The following PRUNE2 variants were observed in gnomAD, a reference collection of about 807,000 sequenced individuals.
PRUNE2 encodes protein prune homolog 2.
In PRUNE2, 164 loss-of-function variants were observed where a neutral mutation model predicts 252.0. That is an observed-to-expected ratio of 0.65 (90% CI 0.57 to 0.74). The LOEUF (loss-of-function observed/expected upper bound fraction) is 0.74. PRUNE2 is among the 30% of genes least tolerant of loss of function. The pLI, the probability that PRUNE2 is intolerant of heterozygous loss-of-function variation, is 0.00. For synonymous variants in PRUNE2, 1,292 were observed against 1,350.2 expected, an observed-to-expected ratio of 0.96 and a Z score of 0.94; for missense variants, 3,495 against 3,711.0, an observed-to-expected ratio of 0.94 and a Z score of 1.51.
intron 1 of PRUNE2, among the ~76,000 whole-genome samples, chr9:76,901,449 T>A (rs2063168140): frequency 6.6e-6 from 1 of 152,294 alleles, no homozygotes; most frequent in East Asian, 1.9e-4. Context: ...AGCTTCTTCA[T>A]CATTACTAGT....
chr9:76,850,663 G>T lies in PRUNE2; in HGVS notation c.144C>A (p.Val48=). The T allele has an allele frequency of 1.2e-6, 2 of 1,608,128 alleles. No individual in the cohort carries two copies. Among genetic ancestry groups the T allele is most frequent in the South Asian group, 2.2e-5 (2 of 90,812 alleles). The stretch of plus-strand genomic sequence containing the variant: ...GTAAACACAGAACCCCTGGTGGACT[G>T]ACCTACCAAGAAAAAAGTTGACTGA... ...TFTYAYFLDK[V]SPPGVLCLPV... The change falls in exon 3 of 19, where the codon GTC becomes GTA. Residue 48 remains valine, a splice_region_variant and synonymous_variant. Transcript: ENST00000376718.
intron 1 of PRUNE2, among the ~76,000 whole-genome samples, chr9:76,880,058 C>A (rs995407654): frequency 1.3e-5 from 2 of 151,196 alleles, no homozygotes; most frequent in African/African-American, 4.9e-5. Context: ...GGACTACAGG[C>A]ACGCGCCACC....
chr9:76,638,122 G>T, intron 13 of PRUNE2, 64 bp downstream of exon 13: 2 of 966,478 alleles, frequency 2.1e-6, no homozygotes, highest in Non-Finnish European at 3.3e-6. Context: ...AATTAAAGGT[G>T]CTCTATCTGC....
In PRUNE2 at chr9:76,723,052, A is replaced by T. The variant is rs191691780; in HGVS notation, c.757-9331T>A. Among the ~76,000 whole-genome samples the T allele has an allele frequency of 6.9e-3, 1,047 of 152,352 alleles. 16 individuals carry two copies. The highest frequency in any genetic ancestry group is 0.024 in the African/African-American group (983 of 41,566). ...AATAATGCGCTGCTTACGTCTTTTGAAGATCGAACATTACCATGCTTTGTG... is the reference window on the plus strand; with the variant it reads ...AATAATGCGCTGCTTACGTCTTTTGTAGATCGAACATTACCATGCTTTGTG... On this transcript the variant is annotated intron_variant, in intron 6 of 18. Transcript: ENST00000376718.
chr9:76,890,741 C>G (rs1024488202), intron 1 of PRUNE2, among the ~76,000 whole-genome samples: 3 of 149,320 alleles, frequency 2.0e-5, no homozygotes, highest in African/African-American at 7.5e-5. Flanking sequence ...CACAAATCAT[C>G]CAATTAGACA....
chr9:76,699,097 T>A (rs1048091654), intron 9 of PRUNE2, among the ~76,000 whole-genome samples: 8 of 138,650 alleles, frequency 5.8e-5, no homozygotes, highest in African/African-American at 2.1e-4. Context: ...ATTCATCAGT[T>A]GAATATCATC....
chr9:76,731,951 C>T (rs1359565404), intron 6 of PRUNE2, among the ~76,000 whole-genome samples: 1 of 152,108 alleles, frequency 6.6e-6, no homozygotes, highest in Non-Finnish European at 1.5e-5. Flanking sequence ...ACTCAGACAC[C>T]CCCGCTGCTC....
intron 4 of PRUNE2, among the ~76,000 whole-genome samples, chr9:76,838,978 C>CTTAT (rs1212516367): frequency 6.6e-6 from 1 of 152,018 alleles, no homozygotes; most frequent in Admixed American, 6.6e-5. Context: ...TATTTATTTA[C>CTTAT]TTATTTATTT....
intron 6 of PRUNE2, among the ~76,000 whole-genome samples, chr9:76,799,359 A>C (rs1267168137): frequency 2.0e-5 from 3 of 152,010 alleles, no homozygotes; most frequent in East Asian, 3.9e-4. Context: ...AAAAAAAAAA[A>C]ATCAGTGATT....
chr9:76,836,294 A>G (rs2132216083), intron 4 of PRUNE2, among the ~76,000 whole-genome samples: 1 of 138,222 alleles, frequency 7.2e-6, no homozygotes, highest in East Asian at 2.1e-4. Flanking sequence ...CTAAGCACCA[A>G]CTTTAGCCAC....
chr9:76,670,763 A>G (rs2041262439), intron 9 of PRUNE2, among the ~76,000 whole-genome samples: 1 of 151,780 alleles, frequency 6.6e-6, no homozygotes, highest in South Asian at 2.1e-4. Context: ...CGAGCAGCCT[A>G]ACTGGGAGGC....
chr9:76,865,914 G>T (rs1002585064), intron 1 of PRUNE2, among the ~76,000 whole-genome samples: 1 of 151,422 alleles, frequency 6.6e-6, no homozygotes, highest in Non-Finnish European at 1.5e-5. Context: ...GAATTAAAAT[G>T]ATTTTATAAA....
intron 6 of PRUNE2, among the ~76,000 whole-genome samples, chr9:76,732,830 T>C (rs1261746596): frequency 6.6e-6 from 1 of 152,178 alleles, no homozygotes; most frequent in African/African-American, 2.4e-5. Flanking sequence ...AGATTTCATG[T>C]CTGTATGTCT....
intron 6 of PRUNE2, among the ~76,000 whole-genome samples, chr9:76,717,263 G>A (rs1039949078): frequency 1.3e-5 from 2 of 152,224 alleles, no homozygotes; most frequent in Non-Finnish European, 2.9e-5. Context: ...TTAAACAAGG[G>A]AATGAGTGAG....
chr9:76,658,130 G>A (rs1413989788), intron 9 of PRUNE2, among the ~76,000 whole-genome samples: 2 of 152,146 alleles, frequency 1.3e-5, no homozygotes, highest in Non-Finnish European at 2.9e-5. Context: ...AGGCTGAGGC[G>A]GGTGGGTCAC....
At chr9:76,746,483 A>ATCATGAGG (rs2050115264) in intron 6 of PRUNE2, among the ~76,000 whole-genome samples, 1 of 151,822 alleles carries the variant, frequency 6.6e-6, no homozygotes, top group Admixed American at 6.6e-5. Flanking sequence ...AGGCGGGTGG[A>ATCATGAGG]TCATGAGGTC....
At chr9:76,860,351 C>G (rs886832976) in intron 1 of PRUNE2, among the ~76,000 whole-genome samples, 1 of 152,212 alleles carries the variant, frequency 6.6e-6, no homozygotes, top group Non-Finnish European at 1.5e-5. Flanking sequence ...CTTCCCGTAA[C>G]TCTAACCTTG....
intron 1 of PRUNE2, among the ~76,000 whole-genome samples, chr9:76,900,822 A>G (rs1415099305): frequency 1.3e-5 from 2 of 151,684 alleles, no homozygotes; most frequent in Admixed American, 6.6e-5. Context: ...GGTTCCCTCT[A>G]CCCCCTCCCT....
intron 9 of PRUNE2, among the ~76,000 whole-genome samples, chr9:76,688,393 A>T (rs1435122985): frequency 6.6e-6 from 1 of 152,156 alleles, no homozygotes; most frequent in Non-Finnish European, 1.5e-5. Context: ...CATTGAGGAG[A>T]GAGTTTTGTG....
Sources: gnomAD v4.1 joint callset for allele counts (sites outside exome capture counted in the v4.1 genomes callset) on GRCh38, gnomAD v4.1.1 for gene constraint, MANE v1.5 for transcripts, NCBI Gene and HGNC (gene_info 2026-07-23, HGNC 2026-07-21) for gene names.